Variants in DNAH6 observed in about 807,000 individuals in gnomAD.
DNAH6 encodes the protein dynein axonemal heavy chain 6, also known as axonemal beta dynein heavy chain 6.
DNAH6 carries 340 observed loss-of-function variants against 491.4 expected under a neutral mutation model. The observed-to-expected ratio is 0.69, with a 90% CI of 0.63 to 0.76. The LOEUF is 0.76. DNAH6 is among the 30% of genes least tolerant of loss of function. The probability of loss-of-function intolerance (pLI) is 0.00; values close to 1 mark genes in which losing one functional copy is unlikely to be tolerated. For synonymous variants in DNAH6, 1,603 were observed against 1,686.1 expected, an observed-to-expected ratio of 0.95 and a Z score of 1.21; for missense variants, 4,443 against 4,972.2, an observed-to-expected ratio of 0.89 and a Z score of 3.20.
chr2:84,751,816 A>G, intron 63 of DNAH6, among the ~76,000 whole-genome samples: 1 of 152,238 alleles, frequency 6.6e-6, no homozygotes, highest in Admixed American at 6.5e-5. Flanking sequence ...CCCATCCCCC[A>G]GTTTCTGATT....
At chr2:84,511,230 G>C in the DNAH6 span, among the ~76,000 whole-genome samples, 3 of 152,332 alleles carry the variant, frequency 2.0e-5, no homozygotes, top group Admixed American at 2.0e-4. Context: ...CCCAGTTCGA[G>C]CTTCCTGGCT....
At chr2:84,553,660 C>T (rs1679740880) in intron 10 of DNAH6, among the ~76,000 whole-genome samples, 3 of 102,570 alleles carry the variant, frequency 2.9e-5, no homozygotes, top group Admixed American at 3.1e-4. Flanking sequence ...TGTAGAGATG[C>T]GGCTTTGCCA....
At chr2:84,685,877 A>G (rs970642831) in intron 43 of DNAH6, among the ~76,000 whole-genome samples, 2 of 152,206 alleles carry the variant, frequency 1.3e-5, no homozygotes, top group Admixed American at 1.3e-4. Context: ...AGTAGGAGAA[A>G]GAGCATTTTG....
intron 29 of DNAH6, among the ~76,000 whole-genome samples, chr2:84,626,580 ACTT>A (rs1361029482): frequency 5.3e-5 from 8 of 151,906 alleles, no homozygotes; most frequent in Non-Finnish European, 1.0e-4. Context: ...CACTTTCTTT[ACTT>A]CTTCTAGAAC....
rs539495633 is a variant in DNAH6 at position 84,715,355 on chromosome 2, C to A, written c.9544-205C>A. 5.3e-5 allele frequency among the ~76,000 whole-genome samples: 8 copies of A among 152,172 alleles called. No homozygotes were observed. The East Asian group carries it at 1.4e-3, about 26-fold the overall frequency. ...TTCTGTAACTGTGGTGTTTGAGGAA[C>A]AAGATTGTTACTCATACTGGCAGGG... On this transcript the variant is annotated intron_variant, in intron 57 of 76. Coordinates refer to ENST00000389394, the MANE Select transcript of DNAH6 (RefSeq NM_001370.2).
intron 29 of DNAH6, 48 bp downstream of exon 29, chr2:84,625,111 TTCTC>T (rs763549168): frequency 4.9e-6 from 7 of 1,421,068 alleles, no homozygotes; most frequent in South Asian, 1.7e-5. Context: ...TTATGTGTCT[TTCTC>T]TATTTGCAAC....
At chr2:84,793,646 G>A (rs1678008834) in intron 68 of DNAH6, among the ~76,000 whole-genome samples, 1 of 152,078 alleles carries the variant, frequency 6.6e-6, no homozygotes, top group Non-Finnish European at 1.5e-5. Flanking sequence ...CCAGAGGGTC[G>A]CTAAAGAATA....
chr2:84,553,365 T>TTTCTTTC lies in DNAH6; in HGVS notation c.1602+333_1602+334insCTTTCTT, dbSNP rs201356778. Among the ~76,000 whole-genome samples, 120 of 19,770 alleles carry TTTCTTTC rather than the reference T, an allele frequency of 6.1e-3. 3 individuals carry two copies. The highest frequency in any genetic ancestry group is 7.4e-3 in the South Asian group (5 of 672). 13.0% of individuals were successfully genotyped at this position (19,770 alleles called of 152,430 possible). A position where few individuals can be genotyped will look rare whatever the true frequency, so the allele number is the denominator to read the frequency against. On this transcript the variant is annotated intron_variant, in intron 10 of 76. Coordinates refer to ENST00000389394, the MANE Select transcript of DNAH6 (RefSeq NM_001370.2). ...TTTTCCTTTCTTTTCTTTTCTTTTC[T>TTTCTTTC]TTTCTTTCTTTCTTTCTTTCTTTCT...
At chr2:84,509,245 G>A in the DNAH6 span, among the ~76,000 whole-genome samples, 4 of 152,106 alleles carry the variant, frequency 2.6e-5, no homozygotes, top group African/African-American at 9.7e-5. Context: ...TATGAATCTG[G>A]GTGCTCCTGT....
intron 14 of DNAH6, among the ~76,000 whole-genome samples, chr2:84,581,611 C>T (rs1028494650): frequency 1.3e-5 from 2 of 151,956 alleles, no homozygotes; most frequent in African/African-American, 4.8e-5. Context: ...GGTGGGCATT[C>T]CAGGGAGAGG....
At chr2:84,735,248 C>T (rs1357809994) in intron 62 of DNAH6, among the ~76,000 whole-genome samples, 4 of 152,190 alleles carry the variant, frequency 2.6e-5, no homozygotes, top group Admixed American at 2.6e-4. Context: ...TCTATGGTTG[C>T]ATAGTATTCC....
intron 63 of DNAH6, among the ~76,000 whole-genome samples, chr2:84,752,668 TG>T (rs1271388829): frequency 1.3e-5 from 2 of 152,026 alleles, no homozygotes; most frequent in East Asian, 3.9e-4. Flanking sequence ...TTGCCTATTC[TG>T]TTTTTTTTGT....
At chr2:84,465,102 G>C in the DNAH6 span, among the ~76,000 whole-genome samples, 1 of 152,176 alleles carries the variant, frequency 6.6e-6, no homozygotes, top group Non-Finnish European at 1.5e-5. Flanking sequence ...TCAAGGTAGA[G>C]AGGAGCTCAG....
intron 26 of DNAH6, among the ~76,000 whole-genome samples, chr2:84,622,702 T>C (rs972841106): frequency 6.6e-6 from 1 of 152,182 alleles, no homozygotes; most frequent in African/African-American, 2.4e-5. Context: ...CAGAGTGGGA[T>C]TACTGGGTCA....
chr2:84,658,985 C>A, intron 36 of DNAH6, 41 bp from the exon 37 acceptor site: 2 of 1,198,706 alleles, frequency 1.7e-6, no homozygotes, highest in Non-Finnish European at 1.2e-6. Context: ...TTTTTATGTT[C>A]ATATATAAAA....
chr2:84,665,001 G>A (rs1209189810), intron 37 of DNAH6, among the ~76,000 whole-genome samples: 3 of 152,092 alleles, frequency 2.0e-5, no homozygotes, highest in Admixed American at 1.3e-4. Flanking sequence ...AATGACTACT[G>A]GGTACATAAT....
chr2:84,604,606 A>T, intron 19 of DNAH6, 55 bp downstream of exon 19: 1 of 1,352,104 alleles, frequency 7.4e-7, no homozygotes. Flanking sequence ...GAAAGTTTTC[A>T]GATTCAACAT....
intron 70 of DNAH6, among the ~76,000 whole-genome samples, chr2:84,803,218 T>C (rs1012859735): frequency 6.6e-6 from 1 of 152,158 alleles, no homozygotes; most frequent in Admixed American, 6.5e-5. Flanking sequence ...AAATACTGCA[T>C]GTTCTCACTT....
At chr2:84,487,164 A>G in the DNAH6 span, among the ~76,000 whole-genome samples, 46 of 152,340 alleles carry the variant, frequency 3.0e-4, no homozygotes, top group East Asian at 5.4e-3. Context: ...TTGTCCTGGC[A>G]TTGATTACAT....
Sources: gnomAD v4.1 joint callset for allele counts (sites outside exome capture counted in the v4.1 genomes callset) on GRCh38, gnomAD v4.1.1 for gene constraint, MANE v1.5 for transcripts, NCBI Gene and HGNC (gene_info 2026-07-23, HGNC 2026-07-21) for gene names.